Variants in OR56A3 observed in about 807,000 individuals in gnomAD.
The protein encoded by OR56A3 is olfactory receptor family 56 subfamily A member 3.
A neutral mutation model predicts 17.5 loss-of-function variants in OR56A3; 23 were observed. The ratio of observed to expected loss-of-function variants is 1.32; its 90% CI spans 0.95 to 1.87. OR56A3 has a LOEUF of 1.87. Ranked by LOEUF, OR56A3 falls within the 40% of genes most tolerant of loss-of-function variation. The pLI is 0.00. For missense variants in OR56A3, 366 were observed against 380.1 expected (o/e 0.96, Z 0.31); for synonymous variants, 175 against 150.6 (o/e 1.16, Z -1.19).
chr11:6,008,796 G>A, the OR56A3 span, among the ~76,000 whole-genome samples: 1 of 152,034 alleles, frequency 6.6e-6, no homozygotes, highest in Admixed American at 6.5e-5. Flanking sequence ...CTTAGAGGGA[G>A]ACCAAAATGT....
chr11:5,979,196 T>A, the OR56A3 span, among the ~76,000 whole-genome samples: 4 of 151,926 alleles, frequency 2.6e-5, no homozygotes, highest in African/African-American at 4.8e-5. Flanking sequence ...TTTCATTGTG[T>A]CTCTGCCAGA....
chr11:6,013,022 C>T, the OR56A3 span, among the ~76,000 whole-genome samples: 1 of 152,230 alleles, frequency 6.6e-6, no homozygotes, highest in Non-Finnish European at 1.5e-5. Flanking sequence ...TCCTGAGCCC[C>T]CAAGAGCGCA....
chr11:5,949,685 A>G lies in OR56A3; in HGVS notation c.*1391A>G, dbSNP rs553123548. On this transcript the variant is annotated 3_prime_UTR_variant, in exon 3 of 3. Transcript: ENST00000641160. ...CCAAATGTCCGAATGTTTTAAATTT[A>G]ACTGAAAGCATCTGAGATTAAGCCC... 1 of 152,282 alleles carries G rather than the reference A, an allele frequency of 6.6e-6. No individual in the cohort carries two copies. The highest frequency in any genetic ancestry group is 6.5e-5 in the Admixed American group (1 of 15,298). 9.4% of individuals were successfully genotyped at this position (152,282 alleles called of 1,614,324 possible). A position where few individuals can be genotyped will look rare whatever the true frequency, so the allele number is the denominator to read the frequency against.
the OR56A3 span, among the ~76,000 whole-genome samples, chr11:5,996,536 T>C: frequency 1.8e-4 from 27 of 151,900 alleles, no homozygotes; most frequent in South Asian, 5.6e-3. Context: ...CCAATGTGGC[T>C]ATTCAGTAAA....
In OR56A3 at chr11:5,948,644, G is replaced by A. The variant is rs551876047; in HGVS notation, c.*350G>A. The A allele has an allele frequency of 1.9e-4, 42 of 217,814 alleles. No homozygotes were observed. Among genetic ancestry groups the A allele is most frequent in the African/African-American group, 8.7e-4 (38 of 43,628 alleles). The allele number at this position is 217,814 out of a possible 1,614,324, so 13.5% of individuals were successfully genotyped here. A position where few individuals can be genotyped will look rare whatever the true frequency, so the allele number is the denominator to read the frequency against. ...TTAAAAATACAACTGCGGTTATTTT[G>A]TTGTGTCTGTTATGTGTAATGTCCT... On this transcript the variant is annotated 3_prime_UTR_variant, in exon 3 of 3. Coordinates refer to ENST00000641160, the MANE Select transcript of OR56A3 (RefSeq NM_001003443.3).
At position 5,947,815 on chromosome 11, in the gene OR56A3, G is replaced by T; in HGVS notation, c.469G>T (p.Val157Leu). Residue 157 changes from valine to leucine, a missense_variant, in exon 3 of 3, where the codon GTG becomes TTG. Physicochemically the swap from Val to Leu is conservative, Grantham distance 32. Transcript: ENST00000641160. ...TGCCATGTTTATTTTGACCAGAAAT[G>T]TGCTTATGACTCTGCCCATCCCCAT... ...KAAMFILTRN[V>L]LMTLPIPILS... 1 of 1,614,146 alleles carries T rather than the reference G, an allele frequency of 6.2e-7. No individual in the cohort carries two copies.
At chr11:5,981,449 T>G in the OR56A3 span, among the ~76,000 whole-genome samples, 2 of 152,368 alleles carry the variant, frequency 1.3e-5, no homozygotes, top group African/African-American at 4.8e-5. Context: ...GTTTGTCTAT[T>G]CTGCTGTTAG....
At chr11:5,989,717 A>T in the OR56A3 span, among the ~76,000 whole-genome samples, 83 of 152,364 alleles carry the variant, frequency 5.4e-4, no homozygotes, top group Middle Eastern at 3.4e-3. Flanking sequence ...AAAAGCCCAG[A>T]CTTCATCACT....
chr11:5,986,303 T>C, the OR56A3 span: 7 of 1,613,914 alleles, frequency 4.3e-6, no homozygotes, highest in Admixed American at 1.7e-5. Context: ...TTGACTGTGG[T>C]TTCTGAGCAG....
At position 5,947,877 on chromosome 11, in the gene OR56A3, C is replaced by T; in HGVS notation, c.531C>T (p.Val177=). 1 of 1,614,208 alleles carries T rather than the reference C, an allele frequency of 6.2e-7. No individual in the cohort carries two copies. The highest frequency in any genetic ancestry group is 8.5e-7 in the Non-Finnish European group (1 of 1,180,042). Residue 177 remains valine (V), a synonymous_variant, in exon 3 of 3, where the codon GTC becomes GTT. Coordinates refer to ENST00000641160, the MANE Select transcript of OR56A3 (RefSeq NM_001003443.3). ...SAQLRYCGRN[V]IENCICANMS... The stretch of plus-strand genomic sequence containing the variant: ...AACTCCGTTATTGTGGAAGAAATGT[C>T]ATTGAGAACTGCATCTGTGCCAATA...
chr11:5,974,677 C>A, the OR56A3 span, among the ~76,000 whole-genome samples: 1 of 151,760 alleles, frequency 6.6e-6, no homozygotes, highest in Non-Finnish European at 1.5e-5. Context: ...GGACAAGGAC[C>A]TATGGTGAGA....
At chr11:5,982,285 G>A in the OR56A3 span, among the ~76,000 whole-genome samples, 10 of 152,290 alleles carry the variant, frequency 6.6e-5, no homozygotes, top group African/African-American at 2.4e-4. Flanking sequence ...TGGTGACGTT[G>A]AGGTTTGTGT....
In OR56A3 at chr11:5,950,504, A is replaced by G. The variant is rs1308554031; in HGVS notation, c.*2210A>G. 6.6e-6 allele frequency: 1 copy of G among 152,190 alleles called. No individual in the cohort carries two copies. Among genetic ancestry groups the G allele is most frequent in the South Asian group, 2.1e-4 (1 of 4,830 alleles). 9.4% of individuals were successfully genotyped at this position (152,190 alleles called of 1,614,324 possible). On this transcript the variant is annotated 3_prime_UTR_variant, in exon 3 of 3. Transcript: ENST00000641160. ...GAAAAACAAGGTGAACAAGTTAACT[A>G]TGGTTTTATCTCACCAAAATAGGTA...
the OR56A3 span, among the ~76,000 whole-genome samples, chr11:5,981,732 C>T: frequency 3.1e-4 from 47 of 152,268 alleles, no homozygotes; most frequent in Non-Finnish European, 5.4e-4. Flanking sequence ...TAAGAAGATA[C>T]CCTGTCTTTT....
At chr11:6,018,732 A>T in the OR56A3 span, among the ~76,000 whole-genome samples, 1 of 138,660 alleles carries the variant, frequency 7.2e-6, no homozygotes, top group Non-Finnish European at 1.5e-5. Context: ...GACAAAAAAT[A>T]AAGTGAAAAT....
rs1456344171 is a variant in OR56A3, at chr11:5,949,238, T to C, written c.*944T>C. On this transcript the variant is annotated 3_prime_UTR_variant, in exon 3 of 3. Transcript: ENST00000641160. ...AAAATAAAAAGAATATTGTTGTTGA[T>C]TTGAGGACCTCAAAGTTTGGGTAGG... 6.6e-6 allele frequency: 1 copy of C among 152,232 alleles called. No homozygotes were observed. Among genetic ancestry groups the C allele is most frequent in the Admixed American group, 6.5e-5 (1 of 15,276 alleles). The allele number at this position is 152,232 out of a possible 1,614,324, so 9.4% of individuals were successfully genotyped here.
chr11:6,021,472 A>G, the OR56A3 span: 1 of 152,124 alleles, frequency 6.6e-6, no homozygotes. Context: ...TCTGCTCACT[A>G]CACGTTGTAT....
At chr11:5,968,101 G>T in the OR56A3 span, 11 of 1,614,056 alleles carry the variant, frequency 6.8e-6, no homozygotes, top group Non-Finnish European at 1.7e-6. Flanking sequence ...TACTGTAGGG[G>T]CTTGCAGATG....
At chr11:5,959,374 C>T in the OR56A3 span, among the ~76,000 whole-genome samples, 1 of 152,160 alleles carries the variant, frequency 6.6e-6, no homozygotes, top group African/African-American at 2.4e-5. Flanking sequence ...GGTGACATCT[C>T]ATCATGGTTT....
Sources: allele counts gnomAD v4.1 joint callset (sites outside exome capture counted in the v4.1 genomes callset), GRCh38; gene constraint gnomAD v4.1.1; transcripts MANE v1.5; gene names NCBI Gene and HGNC (gene_info 2026-07-23, HGNC 2026-07-21).